ASIC2: variants seen among roughly 807,000 people sequenced by gnomAD.
ASIC2 encodes acid sensing ion channel subunit 2.
A neutral mutation model predicts 57.3 loss-of-function variants in ASIC2; 25 were observed. That is an observed-to-expected ratio of 0.44 (90% confidence interval 0.32 to 0.61). The LOEUF is 0.61. Ranked by LOEUF, ASIC2 falls within the 20% of genes least tolerant of loss-of-function variation. The pLI is 0.06. For synonymous variants in ASIC2, 319 were observed against 307.5 expected (o/e 1.04, Z -0.39); for missense variants, 641 against 738.1 (o/e 0.87, Z 1.52).
At position 34,086,299 on chromosome 17, in the gene ASIC2, A is replaced by C. The variant is rs948575622; in HGVS notation, c.555+69679T>G. Among the ~76,000 whole-genome samples, 49 of 152,046 alleles carry C rather than the reference A, an allele frequency of 3.2e-4. No homozygotes were observed. In the East Asian group the frequency reaches 3.5e-3, roughly 11 times the overall value. ...TTCTGCCTTCATTTCATTATGTACC[A>C]AGTAGTCATTCAGGAGCAGGTTGTT... is the stretch of plus-strand genomic sequence containing the variant. On this transcript the variant is annotated intron_variant, in intron 1 of 9. Coordinates refer to the ASIC2 transcript ENST00000359872.
At chr17:33,667,132 A>T (rs555963904) in intron 1 of ASIC2, among the ~76,000 whole-genome samples, 2 of 152,286 alleles carry the variant, frequency 1.3e-5, no homozygotes, top group African/African-American at 4.8e-5. Flanking sequence ...GATAAGAACG[A>T]TTCTAAATCT....
intron 2 of ASIC2, among the ~76,000 whole-genome samples, chr17:33,109,058 CATAAGGATGATACA>C (rs2092246442): frequency 1.3e-5 from 2 of 150,924 alleles, no homozygotes; most frequent in South Asian, 4.2e-4. Context: ...TCTGCAAAGA[CATAAGGATGATACA>C]ATGGACTTTG....
chr17:34,099,518 G>A (rs565427367), intron 1 of ASIC2, among the ~76,000 whole-genome samples: 1 of 132,056 alleles, frequency 7.6e-6, no homozygotes, highest in African/African-American at 2.9e-5. Context: ...AGAAGAGAAA[G>A]AAAAAGAAAG....
At position 33,594,763 on chromosome 17, in the gene ASIC2, G is replaced by A. The variant is rs1361846647; in HGVS notation, c.556-482696C>T. ...GAATGACGTGAACCCGGGAGGTGGA[G>A]CTTGCAGTGAGCCTAGATCGCACCA... On this transcript the variant is annotated intron_variant, in intron 1 of 9. Coordinates refer to the ASIC2 transcript ENST00000359872. Among the ~76,000 whole-genome samples, 5 of 151,494 alleles carry A rather than the reference G, an allele frequency of 3.3e-5. No individual in the cohort carries two copies. The East Asian group carries it at 5.8e-4, about 18-fold the overall frequency.
At chr17:33,996,886 T>G (rs1405991072) in intron 1 of ASIC2, among the ~76,000 whole-genome samples, 1 of 152,214 alleles carries the variant, frequency 6.6e-6, no homozygotes, top group Non-Finnish European at 1.5e-5. Context: ...GTTCTAATTC[T>G]GTGAAAAATA....
chr17:33,593,422 T>C (rs1904887204), intron 1 of ASIC2, among the ~76,000 whole-genome samples: 1 of 152,342 alleles, frequency 6.6e-6, no homozygotes, highest in East Asian at 1.9e-4. Context: ...CACTGATGTT[T>C]TGTGCTTTTG....
chr17:33,461,609 G>A (rs940364567), intron 1 of ASIC2, among the ~76,000 whole-genome samples: 5 of 152,132 alleles, frequency 3.3e-5, no homozygotes, highest in Admixed American at 6.5e-5. Flanking sequence ...AGTCATCATA[G>A]CATCAATGTT....
intron 1 of ASIC2, among the ~76,000 whole-genome samples, chr17:33,448,039 T>C (rs1480891336): frequency 6.8e-6 from 1 of 147,138 alleles, no homozygotes; most frequent in Non-Finnish European, 1.5e-5. Context: ...AGCATGTACA[T>C]CTTTATGCAT....
At chr17:34,052,868 C>T (rs1031838832) in intron 1 of ASIC2, among the ~76,000 whole-genome samples, 2 of 152,048 alleles carry the variant, frequency 1.3e-5, no homozygotes, top group Non-Finnish European at 2.9e-5. Flanking sequence ...ATCCACCCGC[C>T]TCGCCCTCCC....
At chr17:33,322,261 G>A (rs1423080774) in intron 1 of ASIC2, among the ~76,000 whole-genome samples, 3 of 152,184 alleles carry the variant, frequency 2.0e-5, no homozygotes, top group African/African-American at 7.2e-5. Flanking sequence ...TGAGGAATGA[G>A]TCTGAATCAC....
intron 1 of ASIC2, among the ~76,000 whole-genome samples, chr17:34,089,280 G>A (rs532334230): frequency 6.6e-6 from 1 of 152,338 alleles, no homozygotes; most frequent in East Asian, 1.9e-4. Flanking sequence ...AGGGTAGATA[G>A]AAGTTTTGCC....
intron 1 of ASIC2, among the ~76,000 whole-genome samples, chr17:33,523,247 A>G (rs1314765276): frequency 6.6e-6 from 1 of 152,116 alleles, no homozygotes; most frequent in Non-Finnish European, 1.5e-5. Flanking sequence ...TCACAAAGCC[A>G]TCTTTATTTT....
chr17:33,751,402 T>A (rs62055777), intron 1 of ASIC2, among the ~76,000 whole-genome samples: 50,041 of 151,886 alleles, frequency 0.33, 10,417 homozygotes, highest in Non-Finnish European at 0.49. Flanking sequence ...CCTTCTAGAA[T>A]AAACAGAAAC....
At chr17:33,777,644 C>T (rs1911325375) in intron 1 of ASIC2, among the ~76,000 whole-genome samples, 1 of 152,146 alleles carries the variant, frequency 6.6e-6, no homozygotes, top group African/African-American at 2.4e-5. Context: ...CTGAATTCAG[C>T]CTGCTGTGCG....
intron 1 of ASIC2, among the ~76,000 whole-genome samples, chr17:33,439,619 A>G (rs1911756139): frequency 1.3e-5 from 2 of 152,220 alleles, no homozygotes; most frequent in South Asian, 4.1e-4. Context: ...AGGCATGTTG[A>G]AATCAAGGAG....
intron 1 of ASIC2, among the ~76,000 whole-genome samples, chr17:33,266,286 C>A (rs758769728): frequency 6.6e-6 from 1 of 152,176 alleles, no homozygotes; most frequent in Non-Finnish European, 1.5e-5. Context: ...ACTGCTGTGA[C>A]GATCTTCTTC....
chr17:33,916,806 C>A (rs183465489), intron 1 of ASIC2, among the ~76,000 whole-genome samples: 10 of 152,306 alleles, frequency 6.6e-5, no homozygotes, highest in Admixed American at 2.6e-4. Flanking sequence ...AAAACCCAAA[C>A]CACAGGTTTA....
Position 33,269,824 on chromosome 17 carries a change from A to T in ASIC2, c.708+21584T>A, listed in dbSNP as rs377387740. ...TAAAAACACTAGGAATGGTAGTAAA[A>T]CTAGTTTCTGTGTTTGGTCAGCTTA... On this transcript the variant is annotated intron_variant, in intron 1 of 9. Transcript: ENST00000225823. Among the ~76,000 whole-genome samples the T allele has an allele frequency of 4.0e-5, 6 of 151,252 alleles. No homozygotes were observed. The East Asian group carries it at 1.2e-3, about 29-fold the overall frequency.
At chr17:33,701,946 G>A (rs913434257) in intron 1 of ASIC2, among the ~76,000 whole-genome samples, 1 of 152,186 alleles carries the variant, frequency 6.6e-6, no homozygotes, top group Non-Finnish European at 1.5e-5. Context: ...AGTGAGTTCT[G>A]CAGACATAGA....
Sources: allele counts gnomAD v4.1 joint callset (sites outside exome capture counted in the v4.1 genomes callset), GRCh38; gene constraint gnomAD v4.1.1; transcripts MANE v1.5; gene names NCBI Gene and HGNC (gene_info 2026-07-23, HGNC 2026-07-21).